Variants in NCAPH2 observed in about 807,000 individuals in gnomAD.
The protein encoded by NCAPH2 is condensin-2 complex subunit H2.
Under a neutral mutation model 88.6 loss-of-function variants are expected in NCAPH2, and 56 were observed. That is an observed-to-expected ratio of 0.63 (90% CI 0.51 to 0.79). NCAPH2 has a LOEUF of 0.79. Ranked by LOEUF, NCAPH2 falls within the 30% of genes least tolerant of loss-of-function variation. NCAPH2 has a pLI of 0.00. For missense variants in NCAPH2, 794 were observed against 792.0 expected (o/e 1.00, Z -0.03); for synonymous variants, 378 against 313.6 (o/e 1.21, Z -2.17).
rs770532199 is a variant in NCAPH2, at chr22:50,521,626, T to TA, written c.1000+18dup. The TA allele has an allele frequency of 5.0e-6, 8 of 1,613,144 alleles. No homozygotes were observed. The highest frequency in any genetic ancestry group is 1.1e-5 in the South Asian group (1 of 91,074). Reference sequence around the variant, plus strand: ...TCAAGAAAGGTAATTGGGTGGAAGGTACCTCCACTCAGGTACCCCTGGCTG... The same window carrying TA: ...TCAAGAAAGGTAATTGGGTGGAAGGTAACCTCCACTCAGGTACCCCTGGCTG... On this transcript the variant is annotated intron_variant, in intron 11 of 19. Transcript: ENST00000420993.
rs772564110 is a variant in NCAPH2 at position 50,518,020 on chromosome 22, T to G, written c.468T>G (p.Asp156Glu). ...PLLPMALVAP[D>E]EMEKNNNPLY... ...TGCCCATGGCCCTGGTGGCCCCTGATGAAATGGAGAAGAACAACAATCCCC... is the reference window on the plus strand; with the variant it reads ...TGCCCATGGCCCTGGTGGCCCCTGAGGAAATGGAGAAGAACAACAATCCCC... The change falls in exon 6 of 20, where the codon GAT becomes GAG. Residue 156 changes from aspartate (D) to glutamate (E), a missense_variant. Coordinates refer to ENST00000420993, the MANE Select transcript of NCAPH2 (RefSeq NM_152299.4). 1 of 1,613,718 alleles carries G rather than the reference T, an allele frequency of 6.2e-7. No homozygotes were observed. Among genetic ancestry groups the G allele is most frequent in the Non-Finnish European group, 8.5e-7 (1 of 1,179,924 alleles).
chr22:50,518,514 T>TC lies in NCAPH2; in HGVS notation c.647-129dup, dbSNP rs756580418. 1.1e-3 allele frequency: 1,138 copies of TC among 1,059,936 alleles called. 12 individuals are homozygous for TC. Among genetic ancestry groups the TC allele is most frequent in the Middle Eastern group, 2.5e-3 (8 of 3,152 alleles). 65.7% of individuals were successfully genotyped at this position (1,059,936 alleles called of 1,614,324 possible). ...GTGCCTGGCTCAGGGCCCTGCTGTC[T>TC]CCCCCCAGCCCAAGGCCTGGAGTCT... On this transcript the variant is annotated intron_variant, in intron 7 of 19. Coordinates refer to ENST00000420993, the MANE Select transcript of NCAPH2 (RefSeq NM_152299.4).
chr22:50,508,491 C>CGGGGGGGGGGGGG, intron 1 of NCAPH2, 46 bp downstream of exon 1: 1 of 740,692 alleles, frequency 1.4e-6, no homozygotes, highest in Non-Finnish European at 1.9e-6. Context: ...GCGGGTGGGG[C>CGGGGGGGGGGGGG]TGCGGGGCGG....
chr22:50,519,529 T>C (rs2069025423), intron 9 of NCAPH2: 5 of 1,400,040 alleles, frequency 3.6e-6, no homozygotes, highest in African/African-American at 1.5e-5. Flanking sequence ...TGAGCAGAAC[T>C]GATGCTCCTC....
rs753185317 is a variant in NCAPH2 at position 50,524,083 on chromosome 22, C to G, written c.*708C>G. 5 of 1,613,092 alleles carry G rather than the reference C, an allele frequency of 3.1e-6. No homozygotes were observed. The highest frequency in any genetic ancestry group is 2.2e-5 in the East Asian group (1 of 44,888). ...GTCAGCCTTGCAGCGAGCCCGGCCT[C>G]TGTGATCCAGCAGGTGGAAGTCGCC... On this transcript the variant is annotated 3_prime_UTR_variant, in exon 20 of 20. Coordinates refer to ENST00000420993, the MANE Select transcript of NCAPH2 (RefSeq NM_152299.4).
chr22:50,517,354 G>C (rs1013426189), intron 2 of NCAPH2, 73 bp from the exon 3 acceptor site: 136 of 1,522,878 alleles, frequency 8.9e-5, no homozygotes, highest in Non-Finnish European at 1.2e-4. Flanking sequence ...TGGGGGCACC[G>C]ATGGATAGCT....
chr22:50,523,380 G>A lies in NCAPH2; in HGVS notation c.*5G>A, dbSNP rs1270681269. 1 of 1,539,986 alleles carries A rather than the reference G, an allele frequency of 6.5e-7. No individual in the cohort carries two copies. The highest frequency in any genetic ancestry group is 8.8e-7 in the Non-Finnish European group (1 of 1,141,758). ...CCCTCCATGGCCCAGCCCTGAGTGGGGAGCACCGAGGCAGGGGTGGGGGAA... is the reference window on the plus strand; with the variant it reads ...CCCTCCATGGCCCAGCCCTGAGTGGAGAGCACCGAGGCAGGGGTGGGGGAA... On this transcript the variant is annotated 3_prime_UTR_variant, in exon 20 of 20. Coordinates refer to ENST00000420993, the MANE Select transcript of NCAPH2 (RefSeq NM_152299.4).
At position 50,523,414 on chromosome 22, in the gene NCAPH2, G is replaced by A; in HGVS notation, c.*39G>A. On this transcript the variant is annotated 3_prime_UTR_variant, in exon 20 of 20. Transcript: ENST00000420993. ...AGGCAGGGGTGGGGGAATGTGTACT[G>A]AGGAGCCGTGTGTCTGCTCCTGGCT... The A allele has an allele frequency of 6.5e-7, 1 of 1,527,274 alleles. No homozygotes were observed. The allele number at this position is 1,527,274 out of a possible 1,614,324, so 94.6% of individuals were successfully genotyped here.
intron 11 of NCAPH2, 62 bp downstream of exon 11, chr22:50,521,671 TG>T (rs544694738): frequency 9.0e-5 from 140 of 1,550,344 alleles, no homozygotes; most frequent in East Asian, 7.6e-4. Flanking sequence ...GGGCATGAGG[TG>T]GGGGGGTGGG....
intron 10 of NCAPH2, 100 bp from the exon 11 acceptor site, chr22:50,521,443 A>C (rs118071675): frequency 0.021 from 26,255 of 1,236,720 alleles, 327 homozygotes; most frequent in Middle Eastern, 0.054. Context: ...TGTACCCCCT[A>C]CTCTTCCTTT....
intron 2 of NCAPH2, 49 bp downstream of exon 2, chr22:50,516,597 C>A: frequency 6.4e-7 from 1 of 1,553,456 alleles, no homozygotes; most frequent in Non-Finnish European, 8.9e-7. Flanking sequence ...CCAGTGGGAC[C>A]ACAGTCGGCT....
intron 2 of NCAPH2, 147 bp downstream of exon 2, chr22:50,516,695 A>G (rs2068934468): frequency 1.5e-6 from 1 of 654,724 alleles, no homozygotes; most frequent in Admixed American, 2.8e-5. Flanking sequence ...AGCACCTTCC[A>G]ACACCAAGAA....
intron 4 of NCAPH2, 36 bp from the exon 5 acceptor site, chr22:50,517,705 C>T (rs1569520593): frequency 1.9e-6 from 3 of 1,614,084 alleles, no homozygotes; most frequent in East Asian, 2.2e-5. Flanking sequence ...GTGTGTTTGC[C>T]TGGGCTCCGC....
Position 50,522,696 on chromosome 22 carries a change from C to G in NCAPH2, c.1401C>G (p.Tyr467Ter). 1 of 1,613,496 alleles carries G rather than the reference C, an allele frequency of 6.2e-7. No homozygotes were observed. Among genetic ancestry groups the G allele is most frequent in the Non-Finnish European group, 8.5e-7 (1 of 1,179,966 alleles). The part of the protein sequence containing the change: ...DLDAVPMSLS[Y>*]EELVRRNVEL... ...ACGCAGTGCCGATGTCCCTGAGCTA[C>G]GAGGAGCTGGTTCGAAGGAATGTGG... The change falls in exon 17 of 20, where the codon TAC becomes TAG. Residue 467 changes from tyrosine to a stop codon, truncating the protein, a stop_gained. Coordinates refer to ENST00000420993, the MANE Select transcript of NCAPH2 (RefSeq NM_152299.4). LOFTEE classifies it high-confidence loss of function.
At position 50,517,559 on chromosome 22, in the gene NCAPH2, G is replaced by A. The variant is rs1277461126; in HGVS notation, c.267-18G>A. The A allele has an allele frequency of 1.2e-6, 2 of 1,613,948 alleles. No homozygotes were observed. The highest frequency in any genetic ancestry group is 2.7e-5 in the African/African-American group (2 of 74,932). ...CCTGCAGCTCCTGGGATGCCCACGG[G>A]ATGTGCTTCTCTCTCAGGCGGGCCA... On this transcript the variant is annotated intron_variant, in intron 3 of 19. Transcript: ENST00000420993.
Position 50,521,827 on chromosome 22 carries a change from C to T in NCAPH2, c.1087C>T (p.His363Tyr), listed in dbSNP as rs1171386619. The change falls in exon 12 of 20, where the codon CAC becomes TAC. Residue 363 changes from histidine (H) to tyrosine (Y), a missense_variant. Transcript: ENST00000420993. Reference sequence around the variant, plus strand: ...GGGCGCTGCCAAGCTGCAGGACTTCCACCAGTGGTACCTGGCTGCCTGTGA... The same window carrying T: ...GGGCGCTGCCAAGCTGCAGGACTTCTACCAGTGGTACCTGGCTGCCTGTGA... ...RKGAAKLQDFHQWYLAAYADH... is the reference protein window; with the variant it reads ...RKGAAKLQDFYQWYLAAYADH... 2 of 1,613,958 alleles carry T rather than the reference C, an allele frequency of 1.2e-6. No homozygotes were observed. The highest frequency in any genetic ancestry group is 1.7e-6 in the Non-Finnish European group (2 of 1,180,044).
chr22:50,519,921 A>G (rs2069038887), intron 9 of NCAPH2, among the ~76,000 whole-genome samples: 1 of 152,158 alleles, frequency 6.6e-6, no homozygotes, highest in Non-Finnish European at 1.5e-5. Flanking sequence ...CCCAGGCTGG[A>G]GTGCAGTGGT....
intron 17 of NCAPH2, 47 bp from the exon 18 acceptor site, chr22:50,522,774 C>T (rs372082547): frequency 1.4e-5 from 22 of 1,612,526 alleles, no homozygotes; most frequent in Admixed American, 1.2e-4. Context: ...TGAGCGGTGC[C>T]CAGGCCCCTG....
At position 50,508,258 on chromosome 22, in the gene NCAPH2, A is replaced by T; in HGVS notation, c.-80A>T. 9.2e-7 allele frequency: 1 copy of T among 1,084,538 alleles called. No homozygotes were observed. The highest frequency in any genetic ancestry group is 1.3e-6 in the Non-Finnish European group (1 of 781,944). The allele number at this position is 1,084,538 out of a possible 1,614,324, so 67.2% of individuals were successfully genotyped here. A position where few individuals can be genotyped will look rare whatever the true frequency, so the allele number is the denominator to read the frequency against. The stretch of plus-strand genomic sequence containing the variant: ...TGGGCGGGAACAGCAAAATGGCGCC[A>T]GAACTAGTGGCGGGCTGAGGACGCC... On this transcript the variant is annotated 5_prime_UTR_variant, in exon 1 of 20. Coordinates refer to ENST00000420993, the MANE Select transcript of NCAPH2 (RefSeq NM_152299.4).
Sources: gnomAD v4.1 joint callset for allele counts (sites outside exome capture counted in the v4.1 genomes callset) on GRCh38, gnomAD v4.1.1 for gene constraint, MANE v1.5 for transcripts, NCBI Gene and HGNC (gene_info 2026-07-23, HGNC 2026-07-21) for gene names.